Variants in ARNT observed in about 807,000 individuals in gnomAD.
The protein encoded by ARNT is class E basic helix-loop-helix protein 2.
ARNT carries 30 observed loss-of-function variants against 105.0 expected under a neutral mutation model. The ratio of observed to expected loss-of-function variants is 0.29; its 90% confidence interval spans 0.21 to 0.39. The LOEUF is 0.39. Ranked by LOEUF, ARNT falls within the 10% of genes least tolerant of loss-of-function variation. ARNT has a pLI of 1.00. For synonymous variants in ARNT, 304 were observed against 344.0 expected, an observed-to-expected ratio of 0.88 and a Z score of 1.29; for missense variants, 748 against 978.7, an observed-to-expected ratio of 0.76 and a Z score of 3.15.
chr1:150,826,277 G>T (rs1219889890), intron 13 of ARNT, among the ~76,000 whole-genome samples: 2 of 152,148 alleles, frequency 1.3e-5, no homozygotes, highest in African/African-American at 4.8e-5. Flanking sequence ...CATGCCTGGC[G>T]CAATAGTTTA....
intron 3 of ARNT, among the ~76,000 whole-genome samples, chr1:150,852,049 A>AT (rs1382035546): frequency 7.5e-6 from 1 of 132,504 alleles, no homozygotes; most frequent in Non-Finnish European, 1.7e-5. Flanking sequence ...TCTCAAAAAA[A>AT]AAAAAAACAA....
chr1:150,841,111 GTTTTT>G (rs76764447), intron 5 of ARNT, among the ~76,000 whole-genome samples: 1 of 140,720 alleles, frequency 7.1e-6, no homozygotes, highest in Non-Finnish European at 1.6e-5. Context: ...ACCACGCCCA[GTTTTT>G]TTTTTTTTTA....
Position 150,816,869 on chromosome 1 carries a change from G to A in ARNT, c.1721C>T (p.Ser574Phe), listed in dbSNP as rs1655991558. ...INADQSKGISSSTVPATQQLF... is the reference protein window; with the variant it reads ...INADQSKGISFSTVPATQQLF... ...CTGTTGGGTGGCAGGGACAGTGCTG[G>A]AGGAGATGCCTTTACTCTGATCTGT... Residue 574 changes from serine (S) to phenylalanine (F), a missense_variant, in exon 18 of 22, where the codon TCC (serine) becomes TTC (phenylalanine). Around this residue, in one of 4 missense-constraint regions of ARNT, gnomAD observed 360 missense variants for 411.9 expected, o/e 0.87. Transcript: ENST00000358595. 2 of 1,603,734 alleles carry A rather than the reference G, an allele frequency of 1.2e-6. No homozygotes were observed. Among genetic ancestry groups the A allele is most frequent in the African/African-American group, 1.4e-5 (1 of 73,982 alleles).
In ARNT at chr1:150,829,946, G is replaced by T. The variant is rs1571264235; in HGVS notation, c.990C>A (p.Gly330=). ...VSLPDDDPEA[G]QGSKFCLVAI... is the part of the protein sequence containing the mutation. ...CCACTAGGCAAAACTTGCTTCCCTGGCCAGCCTCTGGGTCATCATCTGGGA... is the reference window on the plus strand; with the variant it reads ...CCACTAGGCAAAACTTGCTTCCCTGTCCAGCCTCTGGGTCATCATCTGGGA... Residue 330 remains glycine (G), a synonymous_variant, in exon 11 of 22, where the codon GGC becomes GGA. Transcript: ENST00000358595. The T allele has an allele frequency of 6.8e-6, 11 of 1,614,190 alleles. No individual in the cohort carries two copies. Among genetic ancestry groups the T allele is most frequent in the African/African-American group, 1.3e-5 (1 of 75,058 alleles).
Position 150,846,259 on chromosome 1 carries a change from T to A in ARNT, c.227+4A>T. The A allele has an allele frequency of 6.2e-7, 1 of 1,609,798 alleles. No homozygotes were observed. ...TTACAATATATTACCTACTACAATA[T>A]TACCTGGCAAACCGCTCCTTATCGT... On this transcript the variant is annotated splice_donor_region_variant and intron_variant, in intron 4 of 21. Coordinates refer to ENST00000358595, the MANE Select transcript of ARNT (RefSeq NM_001668.4).
chr1:150,817,276 A>G, intron 16 of ARNT, 74 bp from the exon 17 acceptor site: 1 of 1,611,252 alleles, frequency 6.2e-7, no homozygotes, highest in East Asian at 2.2e-5. Flanking sequence ...ATTCATATAC[A>G]ACATATGTAC....
At chr1:150,819,364 C>G (rs897488853) in intron 14 of ARNT, among the ~76,000 whole-genome samples, 1 of 152,150 alleles carries the variant, frequency 6.6e-6, no homozygotes, top group Non-Finnish European at 1.5e-5. Context: ...ATGTGGCCAG[C>G]AATTCCACTC....
intron 1 of ARNT, among the ~76,000 whole-genome samples, chr1:150,873,577 T>C (rs181059832): frequency 1.3e-4 from 20 of 152,254 alleles, no homozygotes; most frequent in African/African-American, 4.8e-4. Flanking sequence ...TGAAAAACAC[T>C]GCAGGGCCAC....
Position 150,876,591 on chromosome 1 carries a change from C to T in ARNT, c.-24G>A, listed in dbSNP as rs1366889797. The T allele has an allele frequency of 1.4e-6, 2 of 1,430,518 alleles. No homozygotes were observed. 88.6% of individuals were successfully genotyped at this position (1,430,518 alleles called of 1,614,324 possible). Reference sequence around the variant, plus strand: ...ATGGCCGCAGATGCCACCGCCGCCGCGCCACCCCCCCCCCCAGTGGGAGGA... The same window carrying T: ...ATGGCCGCAGATGCCACCGCCGCCGTGCCACCCCCCCCCCCAGTGGGAGGA... On this transcript the variant is annotated 5_prime_UTR_variant, in exon 1 of 22. Coordinates refer to ENST00000358595, the MANE Select transcript of ARNT (RefSeq NM_001668.4).
At chr1:150,814,401 T>C (rs1437411353) in intron 19 of ARNT, among the ~76,000 whole-genome samples, 162 bp from the exon 20 acceptor site, 1 of 152,196 alleles carries the variant, frequency 6.6e-6, no homozygotes, top group Non-Finnish European at 1.5e-5. Flanking sequence ...TCAATCTCTC[T>C]TGACACTATT....
In ARNT at chr1:150,816,309, C is replaced by A; in HGVS notation, c.1900G>T (p.Gly634Ter). The change falls in exon 19 of 22, where the codon GGA becomes TGA. Residue 634 changes from glycine to a stop codon, truncating the protein, a stop_gained. Transcript: ENST00000358595. LOFTEE classifies it high-confidence loss of function. ...GTAGGGGTCCAAGTTGGGGTTGCTC[C>A]TTGGGTGGGGTTGGAGTGGCGGGAA... ...QISRHSNPTQ[G>*]ATPTWTPTTR... 6.2e-7 allele frequency: 1 copy of A among 1,606,474 alleles called. No homozygotes were observed. The highest frequency in any genetic ancestry group is 1.7e-5 in the Admixed American group (1 of 57,512).
chr1:150,829,759 C>CT, intron 11 of ARNT, 145 bp downstream of exon 11: 1 of 841,000 alleles, frequency 1.2e-6, no homozygotes. Context: ...GCAATGGTCA[C>CT]TATAAATGCC....
At chr1:150,865,248 A>G (rs1666362278) in intron 1 of ARNT, among the ~76,000 whole-genome samples, 1 of 152,184 alleles carries the variant, frequency 6.6e-6, no homozygotes, top group South Asian at 2.1e-4. Context: ...TCACTCACAC[A>G]CAGGAAAAAA....
chr1:150,871,201 T>C (rs1370645211), intron 1 of ARNT, among the ~76,000 whole-genome samples: 1 of 152,016 alleles, frequency 6.6e-6, no homozygotes, highest in Non-Finnish European at 1.5e-5. Flanking sequence ...TTTGTCTCCT[T>C]AAGTGTAAAA....
chr1:150,850,454 G>A (rs1404309379), intron 3 of ARNT, among the ~76,000 whole-genome samples: 2 of 151,986 alleles, frequency 1.3e-5, no homozygotes, highest in African/African-American at 2.4e-5. Flanking sequence ...ACTGGTTTTC[G>A]TATTTTTTTG....
chr1:150,849,598 C>A (rs1363417548), intron 3 of ARNT, among the ~76,000 whole-genome samples: 1 of 152,126 alleles, frequency 6.6e-6, no homozygotes, highest in East Asian at 1.9e-4. Context: ...CCAGCCTGGG[C>A]AACATCATTT....
rs1659081788 is a variant in ARNT, at chr1:150,830,074, A to G, written c.956-94T>C. The G allele has an allele frequency of 4.2e-6, 6 of 1,414,728 alleles. No individual in the cohort carries two copies. In the Admixed American group the frequency reaches 1.2e-4, roughly 27 times the overall value. The allele number at this position is 1,414,728 out of a possible 1,614,324, so 87.6% of individuals were successfully genotyped here. A position where few individuals can be genotyped will look rare whatever the true frequency, so the allele number is the denominator to read the frequency against. On this transcript the variant is annotated intron_variant, in intron 10 of 21. Transcript: ENST00000358595. ...GTAAAGATTCAAAATAGACCTATTT[A>G]TGGGCCAGGCACCGTGGCTGACGCC...
At chr1:150,819,971 AAATAG>A (rs928902434) in intron 14 of ARNT, among the ~76,000 whole-genome samples, 2 of 152,242 alleles carry the variant, frequency 1.3e-5, no homozygotes, top group African/African-American at 4.8e-5. Flanking sequence ...AAGAAAACTC[AAATAG>A]AAAAGTGCAA....
At chr1:150,824,083 C>T (rs587758125) in intron 13 of ARNT, among the ~76,000 whole-genome samples, 5 of 151,890 alleles carry the variant, frequency 3.3e-5, no homozygotes, top group Non-Finnish European at 7.4e-5. Flanking sequence ...CCTCGGGATC[C>T]GCCTGCCTCG....
Sources: gnomAD v4.1 joint callset for allele counts (sites outside exome capture counted in the v4.1 genomes callset) on GRCh38, gnomAD v4.1.1 for gene constraint, gnomAD v4.1.1 regional missense constraint, MANE v1.5 for transcripts, NCBI Gene and HGNC (gene_info 2026-07-23, HGNC 2026-07-21) for gene names.